The following AGL variants were observed in gnomAD, a reference collection of about 807,000 sequenced individuals.
AGL encodes the protein glycogen debranching enzyme.
In AGL, 128 loss-of-function variants were observed where a neutral mutation model predicts 199.3. That is an observed-to-expected ratio of 0.64 (90% confidence interval 0.56 to 0.74). The LOEUF is 0.74. Ranked by LOEUF, AGL falls within the 30% of genes least tolerant of loss-of-function variation. The probability of loss-of-function intolerance (pLI) is 0.00; values close to 1 mark genes in which losing one functional copy is unlikely to be tolerated. For synonymous variants in AGL, 584 were observed against 594.7 expected, an observed-to-expected ratio of 0.98 and a Z score of 0.26; for missense variants, 1,809 against 1,820.8, an observed-to-expected ratio of 0.99 and a Z score of 0.12.
At chr1:99,877,885 T>C in intron 12 of AGL, 57 bp downstream of exon 12, 1 of 1,541,448 alleles carries the variant, frequency 6.5e-7, no homozygotes, top group Non-Finnish European at 9.0e-7. Flanking sequence ...CCTTCCTAGC[T>C]TTCCTTAAGT....
chr1:99,921,754 A>C lies in AGL; in HGVS notation c.*103A>C. The C allele has an allele frequency of 4.1e-6, 3 of 733,320 alleles. No homozygotes were observed. The highest frequency in any genetic ancestry group is 6.8e-6 in the Non-Finnish European group (3 of 439,974). The allele number at this position is 733,320 out of a possible 1,614,324, so 45.4% of individuals were successfully genotyped here. A position where few individuals can be genotyped will look rare whatever the true frequency, so the allele number is the denominator to read the frequency against. ...AGGCTCAAGTTGTTTTAAAAATCTC[A>C]TTTATTATAATATTGATGCTCAATT... is the stretch of plus-strand genomic sequence containing the variant. On this transcript the variant is annotated 3_prime_UTR_variant, in exon 34 of 34. Coordinates refer to ENST00000361915, the MANE Select transcript of AGL (RefSeq NM_000642.3).
intron 24 of AGL, among the ~76,000 whole-genome samples, chr1:99,893,894 C>T (rs1653099777): frequency 1.3e-5 from 2 of 151,852 alleles, no homozygotes. Context: ...AGTATTGCAA[C>T]AACAGCAATT....
intron 27 of AGL, among the ~76,000 whole-genome samples, chr1:99,910,458 C>T (rs1193144477): frequency 6.6e-6 from 1 of 152,088 alleles, no homozygotes; most frequent in Admixed American, 6.6e-5. Context: ...TCCTTGTACA[C>T]ATCTCCATGT....
chr1:99,900,959 A>T, intron 26 of AGL, 98 bp downstream of exon 26: 1 of 1,102,160 alleles, frequency 9.1e-7, no homozygotes. Flanking sequence ...TAAGAATCCA[A>T]ATCTTACGAA....
At position 99,861,632 on chromosome 1, in the gene AGL, CAG is replaced by C. The variant is rs754978531; in HGVS notation, c.214_215del (p.Glu72LysfsTer4). ...CGTTCTCTGGATTGGGAAAATCCAA[CAG>C]AAAGAGAAGATGATTCTGATAAATA... On this transcript the variant is annotated frameshift_variant, in exon 3 of 34. Transcript: ENST00000361915. LOFTEE classifies it high-confidence loss of function. 3 of 1,613,354 alleles carry C rather than the reference CAG, an allele frequency of 1.9e-6. No homozygotes were observed. Among genetic ancestry groups the C allele is most frequent in the Admixed American group, 3.3e-5 (2 of 60,002 alleles).
At chr1:99,915,620 A>T in intron 31 of AGL, 134 bp downstream of exon 31, 1 of 735,484 alleles carries the variant, frequency 1.4e-6, no homozygotes, top group Non-Finnish European at 2.3e-6. Flanking sequence ...TTAAAAAAAA[A>T]ATTAGTTGGG....
At chr1:99,880,934 A>C in intron 14 of AGL, 139 bp downstream of exon 14, 1 of 1,278,156 alleles carries the variant, frequency 7.8e-7, no homozygotes, top group Non-Finnish European at 1.1e-6. Context: ...CATAGTTTTC[A>C]GAATGTTTTA....
intron 21 of AGL, among the ~76,000 whole-genome samples, chr1:99,889,542 T>C (rs1652720395): frequency 6.6e-6 from 1 of 152,154 alleles, no homozygotes; most frequent in Admixed American, 6.5e-5. Context: ...ATCATGCCAA[T>C]GCCCTCCAGC....
At chr1:99,899,990 C>A (rs546910310) in intron 25 of AGL, among the ~76,000 whole-genome samples, 3 of 151,632 alleles carry the variant, frequency 2.0e-5, no homozygotes, top group Admixed American at 6.6e-5. Context: ...AGTACACTGG[C>A]ACAATCTCAG....
rs780001538 is a variant in AGL, at chr1:99,921,495, T to G, written c.4482-39T>G. On this transcript the variant is annotated intron_variant, in intron 33 of 33. Coordinates refer to ENST00000361915, the MANE Select transcript of AGL (RefSeq NM_000642.3). ...TCTTGCCTATTTTGTTAATATGAATTAAATTATGTCTTTGTAAAATGTCTT... is the reference window on the plus strand; with the variant it reads ...TCTTGCCTATTTTGTTAATATGAATGAAATTATGTCTTTGTAAAATGTCTT... 3 of 1,448,974 alleles carry G rather than the reference T, an allele frequency of 2.1e-6. No individual in the cohort carries two copies. The African/African-American group carries it at 4.2e-5, about 20-fold the overall frequency. The allele number at this position is 1,448,974 out of a possible 1,614,324, so 89.8% of individuals were successfully genotyped here. A position where few individuals can be genotyped will look rare whatever the true frequency, so the allele number is the denominator to read the frequency against.
At chr1:99,910,524 A>G (rs762931956) in intron 27 of AGL, among the ~76,000 whole-genome samples, 188 bp from the exon 28 acceptor site, 2 of 152,202 alleles carry the variant, frequency 1.3e-5, no homozygotes, top group Non-Finnish European at 1.5e-5. Context: ...CCTATGTGGT[A>G]GAATATACAC....
At chr1:99,898,415 A>G (rs916657288) in intron 25 of AGL, among the ~76,000 whole-genome samples, 1 of 152,134 alleles carries the variant, frequency 6.6e-6, no homozygotes, top group Non-Finnish European at 1.5e-5. Context: ...CAGAATTCAT[A>G]TATGTCCCAC....
intron 27 of AGL, among the ~76,000 whole-genome samples, chr1:99,903,363 T>A (rs1333727225): frequency 2.0e-5 from 3 of 152,004 alleles, no homozygotes; most frequent in African/African-American, 7.2e-5. Flanking sequence ...TCAGTTCCCA[T>A]CTATGAGTGA....
At chr1:99,857,072 AC>A (rs1455277425) in intron 2 of AGL, among the ~76,000 whole-genome samples, 129 of 146,058 alleles carry the variant, frequency 8.8e-4, no homozygotes, top group Non-Finnish European at 1.4e-3. Context: ...CAGGGGGCTG[AC>A]CCCCCCACCT....
chr1:99,855,200 C>CA (rs1247216803), intron 2 of AGL, among the ~76,000 whole-genome samples: 8 of 145,870 alleles, frequency 5.5e-5, no homozygotes, highest in South Asian at 2.2e-4. Context: ...GACTCCGACT[C>CA]AAAAAAAAAG....
At chr1:99,858,606 G>A (rs141460058) in intron 2 of AGL, among the ~76,000 whole-genome samples, 2 of 152,238 alleles carry the variant, frequency 1.3e-5, no homozygotes, top group African/African-American at 2.4e-5. Context: ...AAAGCATTTT[G>A]AATATATATT....
rs1245679428 is a variant in AGL, at chr1:99,913,563, G to C, written c.3986G>C (p.Arg1329Thr). The change falls in exon 30 of 34, where the codon AGA becomes ACA. Residue 1329 changes from arginine (R) to threonine (T), a missense_variant. By Grantham distance (71) the Arg-to-Thr change is moderately conservative. Coordinates refer to ENST00000361915, the MANE Select transcript of AGL (RefSeq NM_000642.3). ...AAGGTCTCATATGATGAGTGGAACA[G>C]AAAAATACAAGACAACTTTGAAAAG... is the stretch of plus-strand genomic sequence containing the variant. Reference protein sequence around the residue: ...AIKVSYDEWNRKIQDNFEKLF... With the variant: ...AIKVSYDEWNTKIQDNFEKLF... The C allele has an allele frequency of 6.2e-7, 1 of 1,613,844 alleles. No homozygotes were observed. Among genetic ancestry groups the C allele is most frequent in the Non-Finnish European group, 8.5e-7 (1 of 1,179,948 alleles).
intron 31 of AGL, 33 bp from the exon 32 acceptor site, chr1:99,916,374 ATCT>A (rs1385130334): frequency 1.4e-6 from 2 of 1,456,926 alleles, no homozygotes; most frequent in East Asian, 4.6e-5. Context: ...ATATCTGATC[ATCT>A]TTTATTTAAC....
chr1:99,891,521 A>G (rs1272725473), intron 22 of AGL, 85 bp from the exon 23 acceptor site: 2 of 1,544,532 alleles, frequency 1.3e-6, no homozygotes, highest in Admixed American at 3.4e-5. Context: ...ATTACTAGAT[A>G]AAGTTGCACA....
Sources: gnomAD v4.1 joint callset for allele counts (sites outside exome capture counted in the v4.1 genomes callset) on GRCh38, gnomAD v4.1.1 for gene constraint, MANE v1.5 for transcripts, NCBI Gene and HGNC (gene_info 2026-07-23, HGNC 2026-07-21) for gene names.